The following ZNF385D variants were observed in gnomAD, a reference collection of about 807,000 sequenced individuals.
The protein encoded by ZNF385D is zinc finger protein 659.
ZNF385D carries 15 observed loss-of-function variants against 35.8 expected under a neutral mutation model. That is an observed-to-expected ratio of 0.42 (90% CI 0.28 to 0.64). ZNF385D has a LOEUF of 0.64. ZNF385D is among the 30% of genes least tolerant of loss of function. ZNF385D has a pLI of 0.23. For synonymous variants in ZNF385D, 212 were observed against 186.8 expected (o/e 1.13, Z -1.10); for missense variants, 474 against 494.6 (o/e 0.96, Z 0.39).
chr3:22,276,501 G>A (rs191121010), intron 2 of ZNF385D, among the ~76,000 whole-genome samples: 6 of 152,124 alleles, frequency 3.9e-5, no homozygotes, highest in Non-Finnish European at 5.9e-5. Context: ...AGAAGCTCAA[G>A]CAATGCACCT....
Position 21,593,485 on chromosome 3 carries a change from C to T in ZNF385D, c.166-28801G>A, listed in dbSNP as rs184107860. On this transcript the variant is annotated intron_variant, in intron 2 of 7. Coordinates refer to ENST00000281523, the MANE Select transcript of ZNF385D (RefSeq NM_024697.3). ...TTCCACGATTAACATATTTTCTATA[C>T]GAGTTTTAAAAAGAGAAGGCTGAGG... 3.8e-3 allele frequency among the ~76,000 whole-genome samples: 584 copies of T among 152,130 alleles called. 6 individuals carry two copies. The highest frequency in any genetic ancestry group is 0.013 in the African/African-American group (533 of 41,512).
chr3:22,155,051 T>C (rs1420764911), intron 3 of ZNF385D, among the ~76,000 whole-genome samples: 3 of 152,144 alleles, frequency 2.0e-5, no homozygotes, highest in African/African-American at 7.2e-5. Flanking sequence ...CATTGTATAA[T>C]TGATCTTATG....
At chr3:21,773,219 A>G (rs899177893) in intron 3 of ZNF385D, among the ~76,000 whole-genome samples, 1 of 151,938 alleles carries the variant, frequency 6.6e-6, no homozygotes, top group African/African-American at 2.4e-5. Flanking sequence ...GTTATAATGT[A>G]TTTTAACACA....
chr3:21,830,344 A>G (rs1694909442), intron 3 of ZNF385D, among the ~76,000 whole-genome samples: 1 of 152,172 alleles, frequency 6.6e-6, no homozygotes, highest in Non-Finnish European at 1.5e-5. Context: ...AGCTGTTTGG[A>G]TGAATTGATT....
At chr3:22,350,342 C>A (rs1420156969) in intron 2 of ZNF385D, among the ~76,000 whole-genome samples, 2 of 152,062 alleles carry the variant, frequency 1.3e-5, no homozygotes, top group Non-Finnish European at 2.9e-5. Context: ...TTTCTTTGTG[C>A]AGTTAACCCT....
intron 1 of ZNF385D, among the ~76,000 whole-genome samples, chr3:21,734,767 CAT>C (rs1175530761): frequency 6.6e-6 from 1 of 152,130 alleles, no homozygotes; most frequent in Non-Finnish European, 1.5e-5. Context: ...GAGGCATTTT[CAT>C]ATGTGTCTCT....
intron 2 of ZNF385D, among the ~76,000 whole-genome samples, chr3:21,567,710 T>C (rs962905508): frequency 3.3e-5 from 5 of 152,206 alleles, no homozygotes; most frequent in Non-Finnish European, 7.3e-5. Flanking sequence ...TTAAGGAATA[T>C]TGAAGTCTCC....
At chr3:21,751,246 A>G, upstream of ZNF385D, 2 of 574,756 alleles carry the variant, frequency 3.5e-6, no homozygotes, top group Non-Finnish European at 4.5e-6. Context: ...ACCCCACCCC[A>G]CCCCACCCTG....
At chr3:21,443,286 G>A in intron 4 of ZNF385D, 1 of 985,344 alleles carries the variant, frequency 1.0e-6, no homozygotes, top group Non-Finnish European at 1.2e-6. Context: ...CAGGTGAGGG[G>A]ATTCTTTATT....
Position 21,414,328 on chromosome 3 carries a change from T to G in ZNF385D, c.*6886A>C, listed in dbSNP as rs1700532911. ...AATATTCCCCGAAGAAACAATGTTC[T>G]TTGCATATAGCTCCATGTGCAGATT... On this transcript the variant is annotated 3_prime_UTR_variant, in exon 8 of 8. Coordinates refer to ENST00000281523, the MANE Select transcript of ZNF385D (RefSeq NM_024697.3). 6.6e-6 allele frequency: 1 copy of G among 152,098 alleles called. No homozygotes were observed. Among genetic ancestry groups the G allele is most frequent in the South Asian group, 2.1e-4 (1 of 4,838 alleles). The allele number at this position is 152,098 out of a possible 1,614,324, so 9.4% of individuals were successfully genotyped here.
intron 2 of ZNF385D, among the ~76,000 whole-genome samples, chr3:22,256,961 T>C (rs1700348854): frequency 6.6e-6 from 1 of 151,868 alleles, no homozygotes; most frequent in Non-Finnish European, 1.5e-5. Context: ...AAGGAAGACT[T>C]AGATCAAAAG....
chr3:21,999,526 A>C (rs1254303992), intron 3 of ZNF385D, among the ~76,000 whole-genome samples: 2 of 152,126 alleles, frequency 1.3e-5, no homozygotes, highest in Admixed American at 6.5e-5. Flanking sequence ...AAATTCTTTA[A>C]CTTCACTGTA....
intron 2 of ZNF385D, among the ~76,000 whole-genome samples, chr3:22,371,850 C>CAAA (rs1559547180): frequency 6.6e-6 from 1 of 152,116 alleles, no homozygotes; most frequent in East Asian, 1.9e-4. Flanking sequence ...CTTGGAGGGA[C>CAAA]GCTTCATATA....
rs188271054 is a variant in ZNF385D at position 21,664,993 on chromosome 3, C to T, written c.58G>A (p.Val20Ile). 1.7e-5 allele frequency: 27 copies of T among 1,613,008 alleles called. No homozygotes were observed. The Admixed American group carries it at 3.7e-4, about 22-fold the overall frequency. ...TGCAAAGGAGGGGCTGGTGGACGGA[C>T]AAGGGCCGGGAGAGCAGGACTCTGG... ...TCQSPALPALVRPPAPPLQPS... is the reference protein window; with the variant it reads ...TCQSPALPALIRPPAPPLQPS... Residue 20 changes from valine (V) to isoleucine (I), a missense_variant, in exon 2 of 8, where the codon GTC (valine) becomes ATC (isoleucine). Physicochemically the swap from Val to Ile is conservative, Grantham distance 29 (BLOSUM62 3). Transcript: ENST00000281523.
At chr3:21,724,186 A>C (rs181277791) in intron 1 of ZNF385D, among the ~76,000 whole-genome samples, 27 of 152,244 alleles carry the variant, frequency 1.8e-4, no homozygotes, top group African/African-American at 6.5e-4. Context: ...AGTACCAGCC[A>C]CTGCAAAAAC....
intron 2 of ZNF385D, among the ~76,000 whole-genome samples, chr3:21,643,610 T>C (rs2065669300): frequency 6.6e-6 from 1 of 152,144 alleles, no homozygotes; most frequent in African/African-American, 2.4e-5. Flanking sequence ...AAATGAATTC[T>C]CATGCACCTC....
chr3:22,154,836 T>TTG (rs1559412858), intron 3 of ZNF385D, among the ~76,000 whole-genome samples: 2 of 152,190 alleles, frequency 1.3e-5, no homozygotes, highest in African/African-American at 4.8e-5. Context: ...CTTTTAACTA[T>TTG]TGGATTCCTA....
At chr3:22,106,839 C>T (rs1330467337) in intron 3 of ZNF385D, among the ~76,000 whole-genome samples, 1 of 152,088 alleles carries the variant, frequency 6.6e-6, no homozygotes, top group South Asian at 2.1e-4. Context: ...GACTATCAAC[C>T]ACCACGATCC....
intron 4 of ZNF385D, among the ~76,000 whole-genome samples, chr3:21,460,991 C>T (rs545840173): frequency 3.9e-5 from 6 of 152,174 alleles, no homozygotes; most frequent in African/African-American, 1.2e-4. Context: ...ACAATCAGAG[C>T]GGAATCTATT....
Sources: allele counts gnomAD v4.1 joint callset (sites outside exome capture counted in the v4.1 genomes callset), GRCh38; gene constraint gnomAD v4.1.1; transcripts MANE v1.5; gene names NCBI Gene and HGNC (gene_info 2026-07-23, HGNC 2026-07-21).